The following SUPT3H variants were observed in gnomAD, a reference collection of about 807,000 sequenced individuals.
The protein encoded by SUPT3H is transcription initiation protein SPT3 homolog.
In SUPT3H, 44 loss-of-function variants were observed where a neutral mutation model predicts 44.3. That is an observed-to-expected ratio of 0.99 (90% CI 0.78 to 1.28). SUPT3H has a LOEUF of 1.28. Among genes scored for constraint, SUPT3H ranks in the 50% most tolerant of loss-of-function variants. The pLI, the probability that SUPT3H is intolerant of heterozygous loss-of-function variation, is 0.00. For missense variants in SUPT3H, 380 were observed against 387.1 expected (o/e 0.98, Z 0.15); for synonymous variants, 124 against 125.6 (o/e 0.99, Z 0.09).
At chr6:44,816,905 CAA>C (rs547171999) in intron 11 of SUPT3H, among the ~76,000 whole-genome samples, 1 of 103,170 alleles carries the variant, frequency 9.7e-6, no homozygotes, top group African/African-American at 3.5e-5. Context: ...AAAACAACAA[CAA>C]AAAAAATGCC....
At chr6:44,862,962 T>C (rs1361179477) in intron 10 of SUPT3H, among the ~76,000 whole-genome samples, 1 of 152,166 alleles carries the variant, frequency 6.6e-6, no homozygotes, top group Non-Finnish European at 1.5e-5. Context: ...AACATTTTAG[T>C]TAAGAAAGGA....
In SUPT3H at chr6:45,018,830, C is replaced by A. The variant is rs1356917720; in HGVS notation, c.273+1716G>T. 1.9e-3 allele frequency among the ~76,000 whole-genome samples: 290 copies of A among 151,682 alleles called. 1 individual carries two copies. The highest frequency in any genetic ancestry group is 6.8e-3 in the African/African-American group (280 of 41,382). On this transcript the variant is annotated intron_variant, in intron 4 of 10. Coordinates refer to ENST00000371459, the MANE Select transcript of SUPT3H (RefSeq NM_003599.4). The stretch of plus-strand genomic sequence containing the variant: ...TCTCTTTTTTGGTTGTGTCTCTGCC[C>A]AGCTTTGGTATCAGGATGATGCTGG...
chr6:45,028,890 A>G (rs140095083), intron 3 of SUPT3H, among the ~76,000 whole-genome samples: 2,480 of 129,410 alleles, frequency 0.019, 54 homozygotes, highest in South Asian at 0.1. Context: ...GTGAATAAAC[A>G]GTTGCCAAAA....
In SUPT3H at chr6:44,841,774, C is replaced by T. The variant is rs746873401; in HGVS notation, c.913-11917G>A. On this transcript the variant is annotated intron_variant, in intron 10 of 10. Transcript: ENST00000371459. The stretch of plus-strand genomic sequence containing the variant: ...CTCTTGGGGAACTCAGGTTTGGAAA[C>T]GCCTCTCTGGCCTACTTTTGCTTAT... 2.2e-4 allele frequency among the ~76,000 whole-genome samples: 33 copies of T among 152,176 alleles called. 1 individual carries two copies. Among genetic ancestry groups the T allele is most frequent in the Non-Finnish European group, 4.4e-4 (30 of 68,030 alleles).
At chr6:44,830,122 T>C (rs1768359696) in intron 10 of SUPT3H, among the ~76,000 whole-genome samples, 1 of 152,324 alleles carries the variant, frequency 6.6e-6, no homozygotes, top group South Asian at 2.1e-4. Context: ...TGTTAACTGA[T>C]TGGGCTTGGT....
chr6:44,972,098 T>C (rs1204444554), intron 6 of SUPT3H, among the ~76,000 whole-genome samples: 1 of 152,162 alleles, frequency 6.6e-6, no homozygotes, highest in Non-Finnish European at 1.5e-5. Flanking sequence ...TCTTAACTCA[T>C]TCCAGCATTA....
intron 6 of SUPT3H, among the ~76,000 whole-genome samples, chr6:44,988,963 G>A (rs1273738170): frequency 2.0e-5 from 3 of 152,020 alleles, no homozygotes; most frequent in African/African-American, 4.8e-5. Context: ...AATTTATTAC[G>A]AATGAATTGT....
chr6:44,974,084 G>A (rs1449029598), intron 6 of SUPT3H, among the ~76,000 whole-genome samples: 1 of 152,122 alleles, frequency 6.6e-6, no homozygotes, highest in Non-Finnish European at 1.5e-5. Context: ...AGGTTGCTAA[G>A]CAATGTGTGC....
intron 2 of SUPT3H, among the ~76,000 whole-genome samples, chr6:45,255,277 T>C (rs1370501472): frequency 6.6e-6 from 1 of 152,154 alleles, no homozygotes; most frequent in Non-Finnish European, 1.5e-5. Context: ...GATATTGTCT[T>C]CTTTCTGACT....
chr6:45,178,819 G>C (rs914089166), intron 2 of SUPT3H, among the ~76,000 whole-genome samples: 1 of 151,920 alleles, frequency 6.6e-6, no homozygotes, highest in Non-Finnish European at 1.5e-5. Context: ...ATGACTACTG[G>C]GTACATAACG....
At chr6:44,848,248 G>C (rs552743025) in intron 10 of SUPT3H, among the ~76,000 whole-genome samples, 1 of 152,240 alleles carries the variant, frequency 6.6e-6, no homozygotes, top group Non-Finnish European at 1.5e-5. Flanking sequence ...AGGATTACAG[G>C]AGTGAGCCAC....
At chr6:45,063,139 G>C (rs9463062) in intron 3 of SUPT3H, among the ~76,000 whole-genome samples, 127,226 of 132,634 alleles carry the variant, frequency 0.96, 61,010 homozygotes, top group East Asian at 0.99. Flanking sequence ...GCCTCCTCAA[G>C]TGGGTCCCTG....
intron 3 of SUPT3H, among the ~76,000 whole-genome samples, chr6:45,031,018 A>G (rs1169716462): frequency 6.6e-6 from 1 of 152,154 alleles, no homozygotes; most frequent in Non-Finnish European, 1.5e-5. Context: ...TTTAAAAATC[A>G]TTACTTAGAA....
chr6:45,179,272 G>C (rs918155654), intron 2 of SUPT3H, among the ~76,000 whole-genome samples: 2 of 152,122 alleles, frequency 1.3e-5, no homozygotes, highest in African/African-American at 4.8e-5. Flanking sequence ...GGACCAGATG[G>C]ATTCACAGCC....
intron 2 of SUPT3H, among the ~76,000 whole-genome samples, chr6:45,292,308 T>C (rs911405563): frequency 6.6e-6 from 1 of 151,982 alleles, no homozygotes; most frequent in Non-Finnish European, 1.5e-5. Flanking sequence ...TTGAAATAAA[T>C]CCTGGAAGCA....
chr6:45,162,679 C>T (rs1470901118), intron 2 of SUPT3H, among the ~76,000 whole-genome samples: 2 of 152,196 alleles, frequency 1.3e-5, no homozygotes, highest in Non-Finnish European at 2.9e-5. Context: ...TATGAGATGT[C>T]TTCTCCAGGT....
At chr6:45,112,133 T>C (rs1800158365) in intron 2 of SUPT3H, among the ~76,000 whole-genome samples, 1 of 152,220 alleles carries the variant, frequency 6.6e-6, no homozygotes, top group Admixed American at 6.5e-5. Context: ...TCAGAAACTT[T>C]ATTTTGAATC....
At chr6:45,048,112 G>C (rs888424321) in intron 3 of SUPT3H, among the ~76,000 whole-genome samples, 2 of 151,216 alleles carry the variant, frequency 1.3e-5, no homozygotes, top group African/African-American at 2.4e-5. Flanking sequence ...TAATAGTAAA[G>C]TGTATTATTT....
intron 1 of SUPT3H, among the ~76,000 whole-genome samples, chr6:45,368,414 T>C (rs1795511316): frequency 6.6e-6 from 1 of 152,172 alleles, no homozygotes; most frequent in African/African-American, 2.4e-5. Context: ...GATGCACGCC[T>C]TTCCTCAGAA....
Sources: gnomAD v4.1 joint callset for allele counts (sites outside exome capture counted in the v4.1 genomes callset) on GRCh38, gnomAD v4.1.1 for gene constraint, MANE v1.5 for transcripts, NCBI Gene and HGNC (gene_info 2026-07-23, HGNC 2026-07-21) for gene names.